Variants in CFAP97 observed in about 807,000 individuals in gnomAD.
CFAP97 encodes cilia- and flagella-associated protein 97.
CFAP97 carries 36 observed loss-of-function variants against 43.1 expected under a neutral mutation model. That is an observed-to-expected ratio of 0.84 (90% CI 0.64 to 1.10). CFAP97 has a LOEUF of 1.10. Among genes scored for constraint, CFAP97 ranks in the 50% least tolerant of loss-of-function variants. The pLI is 0.00. For synonymous variants in CFAP97, 228 were observed against 225.7 expected, an observed-to-expected ratio of 1.01 and a Z score of -0.09; for missense variants, 657 against 620.3, an observed-to-expected ratio of 1.06 and a Z score of -0.63.
chr4:185,174,630 G>A (rs542202493), intron 3 of CFAP97, among the ~76,000 whole-genome samples: 11 of 152,168 alleles, frequency 7.2e-5, no homozygotes, highest in East Asian at 1.9e-4. Context: ...CTGAGTTTAC[G>A]TGTTCATTAA....
chr4:185,167,108 C>G (rs779889162), intron 3 of CFAP97, among the ~76,000 whole-genome samples: 7 of 151,996 alleles, frequency 4.6e-5, no homozygotes, highest in Non-Finnish European at 1.0e-4. Flanking sequence ...GTGTAAGCCC[C>G]AAAATCAAAA....
upstream of CFAP97, among the ~76,000 whole-genome samples, chr4:185,205,712 C>G (rs3108242): frequency 7.2e-5 from 11 of 151,966 alleles, no homozygotes; most frequent in African/African-American, 2.7e-4. Flanking sequence ...ATCTGTAATC[C>G]CAGCTACTCA....
At chr4:185,198,562 G>C (rs376967822) in intron 1 of CFAP97, among the ~76,000 whole-genome samples, 2 of 151,906 alleles carry the variant, frequency 1.3e-5, no homozygotes, top group South Asian at 2.1e-4. Flanking sequence ...GGCCGAGATG[G>C]GCAGATCACC....
chr4:185,183,970 T>C (rs1442289641), intron 2 of CFAP97, among the ~76,000 whole-genome samples: 1 of 152,180 alleles, frequency 6.6e-6, no homozygotes, highest in Non-Finnish European at 1.5e-5. Flanking sequence ...GAGTTTGGGG[T>C]AGGATTATTT....
chr4:185,192,434 T>C (rs1371226508), intron 1 of CFAP97, among the ~76,000 whole-genome samples: 1 of 152,194 alleles, frequency 6.6e-6, no homozygotes, highest in Admixed American at 6.5e-5. Flanking sequence ...GTTGCCTTTA[T>C]CAGGGGGCAG....
upstream of CFAP97, among the ~76,000 whole-genome samples, chr4:185,206,823 G>A (rs1190111455): frequency 6.6e-6 from 1 of 152,176 alleles, no homozygotes; most frequent in African/African-American, 2.4e-5. Context: ...TTCGCCGGCT[G>A]GAGAGCCTGG....
chr4:185,205,408 C>G (rs1218422162), upstream of CFAP97, among the ~76,000 whole-genome samples: 3 of 151,038 alleles, frequency 2.0e-5, no homozygotes, highest in East Asian at 5.8e-4. Flanking sequence ...GAGCCGAGAT[C>G]GTGCCACTGC....
intron 2 of CFAP97, among the ~76,000 whole-genome samples, chr4:185,185,446 T>G (rs1293377143): frequency 1.3e-5 from 2 of 152,186 alleles, no homozygotes; most frequent in Non-Finnish European, 1.5e-5. Context: ...TTCTGTCACT[T>G]CAAGGAAAAC....
chr4:185,203,267 C>T (rs1259747407), intron 1 of CFAP97, among the ~76,000 whole-genome samples: 1 of 152,232 alleles, frequency 6.6e-6, no homozygotes, highest in Non-Finnish European at 1.5e-5. Flanking sequence ...TCACTGGGCA[C>T]GCCCCACTTG....
rs1734841377 is a variant in CFAP97 at position 185,160,592 on chromosome 4, TAA to T, written c.*2204_*2205del. On this transcript the variant is annotated 3_prime_UTR_variant, in exon 5 of 5. Transcript: ENST00000458385. ...ATGACAACAGAATTGAAGTTCCGCT[TAA>T]AAGACTCTTGCCCTTTCCAACTTTT... 1.3e-5 allele frequency: 2 copies of T among 151,966 alleles called. No homozygotes were observed. The highest frequency in any genetic ancestry group is 6.5e-5 in the Admixed American group (1 of 15,270). The allele number at this position is 151,966 out of a possible 1,614,324, so 9.4% of individuals were successfully genotyped here.
chr4:185,186,305 C>CACAT (rs1736004395), intron 2 of CFAP97, among the ~76,000 whole-genome samples: 1 of 151,936 alleles, frequency 6.6e-6, no homozygotes, highest in Non-Finnish European at 1.5e-5. Context: ...TGGTGGAGGG[C>CACAT]GCCTGTAATC....
At chr4:185,183,884 T>G (rs935287516) in intron 2 of CFAP97, among the ~76,000 whole-genome samples, 5 of 152,240 alleles carry the variant, frequency 3.3e-5, no homozygotes, top group African/African-American at 1.2e-4. Flanking sequence ...GCTTCCCTTC[T>G]ACATTTTAGC....
chr4:185,180,861 AG>A (rs1025729133), intron 2 of CFAP97, among the ~76,000 whole-genome samples: 49 of 152,240 alleles, frequency 3.2e-4, no homozygotes, highest in Middle Eastern at 3.4e-3. Context: ...CCTAAACCTC[AG>A]GACCCCTTAA....
At chr4:185,195,644 G>C (rs1736502551) in intron 1 of CFAP97, among the ~76,000 whole-genome samples, 1 of 152,178 alleles carries the variant, frequency 6.6e-6, no homozygotes, top group African/African-American at 2.4e-5. Context: ...ATGAGGGGAG[G>C]GGAGAGGAGT....
intron 3 of CFAP97, chr4:185,170,157 G>C: frequency 3.1e-6 from 2 of 649,374 alleles, no homozygotes; most frequent in Non-Finnish European, 4.6e-6. Flanking sequence ...AGACCAGCCT[G>C]GCTAACATGG....
intron 1 of CFAP97, among the ~76,000 whole-genome samples, chr4:185,192,874 G>A (rs1428158735): frequency 1.3e-5 from 2 of 151,594 alleles, no homozygotes; most frequent in South Asian, 2.1e-4. Context: ...CCGAGTAGCT[G>A]GGACTACAGG....
At position 185,173,080 on chromosome 4, in the gene CFAP97, G is replaced by A. The variant is rs975387993; in HGVS notation, c.1320+2706C>T. ...TTTTTTAAATAGAAAAATAATCAAA[G>A]TCAACGGGCACAGTGGCTCACGCCT... On this transcript the variant is annotated intron_variant, in intron 3 of 4. Coordinates refer to ENST00000458385, the MANE Select transcript of CFAP97 (RefSeq NM_020827.3). Among the ~76,000 whole-genome samples, 9 of 151,638 alleles carry A rather than the reference G, an allele frequency of 5.9e-5. No homozygotes were observed. The South Asian group carries it at 8.3e-4, about 14-fold the overall frequency.
chr4:185,209,992 A>G, upstream of CFAP97: 1 of 982,756 alleles, frequency 1.0e-6, no homozygotes, highest in Non-Finnish European at 1.2e-6. The surrounding 1 kb of genome is among the most constrained non-coding windows in gnomAD (Gnocchi z 5.2). Flanking sequence ...GGGCGGCCGG[A>G]GCTGGTGGAA....
At chr4:185,176,368 C>T (rs1735543473) in intron 2 of CFAP97, among the ~76,000 whole-genome samples, 1 of 152,106 alleles carries the variant, frequency 6.6e-6, no homozygotes, top group Non-Finnish European at 1.5e-5. Context: ...CCACCTCAGC[C>T]TCCCAAAGTG....
Sources: gnomAD v4.1 joint callset for allele counts (sites outside exome capture counted in the v4.1 genomes callset) on GRCh38, gnomAD v4.1.1 for gene constraint, Gnocchi (gnomAD v3.1) non-coding constraint, MANE v1.5 for transcripts, NCBI Gene and HGNC (gene_info 2026-07-23, HGNC 2026-07-21) for gene names.